Variants in EAF2 observed in about 807,000 individuals in gnomAD.
The protein encoded by EAF2 is ELL-associated factor 2.
Under a neutral mutation model 29.4 loss-of-function variants are expected in EAF2, and 29 were observed. The ratio of observed to expected loss-of-function variants is 0.99; its 90% CI spans 0.73 to 1.35. The LOEUF (loss-of-function observed/expected upper bound fraction) is 1.35. Ranked by LOEUF, EAF2 falls within the 40% of genes most tolerant of loss-of-function variation. The pLI is 0.00. For synonymous variants in EAF2, 103 were observed against 102.5 expected (o/e 1.00, Z -0.03); for missense variants, 292 against 312.0 (o/e 0.94, Z 0.48).
chr3:121,848,130 G>T (rs1159312168), intron 2 of EAF2, among the ~76,000 whole-genome samples: 3 of 152,156 alleles, frequency 2.0e-5, no homozygotes, highest in African/African-American at 7.2e-5. Flanking sequence ...TAGCCAATTT[G>T]TAAATACCTT....
chr3:121,836,884 G>A, intron 1 of EAF2: 1 of 778,080 alleles, frequency 1.3e-6, no homozygotes, highest in Non-Finnish European at 1.6e-6. Context: ...TATGATTTGG[G>A]TATATATTCT....
rs1250817325 is a variant in EAF2, at chr3:121,872,708, T to C, written c.656T>C (p.Met219Thr). 3 of 1,612,792 alleles carry C rather than the reference T, an allele frequency of 1.9e-6. No homozygotes were observed. The highest frequency in any genetic ancestry group is 1.3e-5 in the African/African-American group (1 of 74,844). The part of the protein sequence containing the change: ...TGNCVSGHPT[M>T]TQYRIPDIDA... Reference sequence around the variant, plus strand: ...AATTGTGTCTCAGGACATCCTACCATGACACAGTACAGGATTCCTGATATA... The same window carrying C: ...AATTGTGTCTCAGGACATCCTACCACGACACAGTACAGGATTCCTGATATA... Residue 219 changes from methionine (M) to threonine (T), a missense_variant, in exon 5 of 6, where the codon ATG becomes ACG. Physicochemically the swap from Met to Thr is moderately conservative, Grantham distance 81. Coordinates refer to ENST00000273668, the MANE Select transcript of EAF2 (RefSeq NM_018456.6).
chr3:121,874,942 A>G (rs1709070922), intron 5 of EAF2, among the ~76,000 whole-genome samples: 1 of 151,832 alleles, frequency 6.6e-6, no homozygotes, highest in Non-Finnish European at 1.5e-5. Context: ...CTTTCAGGGA[A>G]AGGTATAATA....
chr3:121,876,582 T>C (rs530820872), intron 5 of EAF2, among the ~76,000 whole-genome samples: 14 of 152,050 alleles, frequency 9.2e-5, no homozygotes, highest in African/African-American at 3.4e-4. Flanking sequence ...AAGCTAAAAC[T>C]CTAGACAATA....
At chr3:121,873,022 A>C (rs543544896) in intron 5 of EAF2, 1 of 737,614 alleles carries the variant, frequency 1.4e-6, no homozygotes, top group South Asian at 1.5e-5. Flanking sequence ...TCAAGTTTAT[A>C]TGATCCTCTG....
At chr3:121,877,376 T>A (rs1386417062) in intron 5 of EAF2, among the ~76,000 whole-genome samples, 4 of 152,026 alleles carry the variant, frequency 2.6e-5, no homozygotes, top group Non-Finnish European at 5.9e-5. Context: ...TAATAGTGAA[T>A]ACATAGAATC....
chr3:121,852,203 C>G (rs1708646703), intron 2 of EAF2, among the ~76,000 whole-genome samples: 1 of 152,122 alleles, frequency 6.6e-6, no homozygotes. Flanking sequence ...GCTCAGAGAA[C>G]AATAATACAT....
At chr3:121,842,154 A>T (rs1708446717) in intron 1 of EAF2, among the ~76,000 whole-genome samples, 1 of 152,228 alleles carries the variant, frequency 6.6e-6, no homozygotes, top group Non-Finnish European at 1.5e-5. Context: ...ACTGCACTCC[A>T]GCATGCAGGA....
At chr3:121,854,659 A>G in intron 2 of EAF2, 28 bp from the exon 3 acceptor site, 1 of 1,485,832 alleles carries the variant, frequency 6.7e-7, no homozygotes. Flanking sequence ...GATAAATTTT[A>G]AGTAATAATA....
At chr3:121,852,225 G>A (rs183789788) in intron 2 of EAF2, among the ~76,000 whole-genome samples, 5 of 152,244 alleles carry the variant, frequency 3.3e-5, no homozygotes, top group African/African-American at 1.2e-4. Flanking sequence ...GTAATTTTTA[G>A]ATGTATTCCA....
chr3:121,859,466 C>CTGTT (rs970285417), intron 4 of EAF2, among the ~76,000 whole-genome samples: 3 of 152,082 alleles, frequency 2.0e-5, no homozygotes, highest in African/African-American at 7.2e-5. Flanking sequence ...ATTTGGCTCT[C>CTGTT]TGTTTGTTTG....
At chr3:121,876,524 G>A (rs1576656602) in intron 5 of EAF2, among the ~76,000 whole-genome samples, 1 of 151,988 alleles carries the variant, frequency 6.6e-6, no homozygotes, top group East Asian at 1.9e-4. Flanking sequence ...AAGATAACAA[G>A]TCTGTTTTAG....
chr3:121,873,564 T>C (rs2107541561), intron 5 of EAF2, among the ~76,000 whole-genome samples: 1 of 152,050 alleles, frequency 6.6e-6, no homozygotes, highest in South Asian at 2.1e-4. Flanking sequence ...TTATGTACAC[T>C]GTAGCCATAT....
rs548677671 is a variant in EAF2 at position 121,859,567 on chromosome 3, G to T, written c.484+2411G>T. On this transcript the variant is annotated intron_variant, in intron 4 of 5. Transcript: ENST00000273668. Reference sequence around the variant, plus strand: ...GTTGCTTATCAGCTTAAGGAGATTTGGGGCTGAGACAATGGGGTTTTCTAA... The same window carrying T: ...GTTGCTTATCAGCTTAAGGAGATTTTGGGCTGAGACAATGGGGTTTTCTAA... Among the ~76,000 whole-genome samples, 11 of 151,972 alleles carry T rather than the reference G, an allele frequency of 7.2e-5. No homozygotes were observed. The East Asian group carries it at 1.2e-3, about 16-fold the overall frequency.
At chr3:121,884,085 C>T (rs183316502) in intron 5 of EAF2, among the ~76,000 whole-genome samples, 463 of 152,208 alleles carry the variant, frequency 3.0e-3, no homozygotes, top group Non-Finnish European at 5.2e-3. Flanking sequence ...TGCCTGTAAT[C>T]TCAGCACTTT....
Position 121,854,670 on chromosome 3 carries a change from A to G in EAF2, c.202-17A>G. ...CTATGATAAATTTTAAGTAATAATA[A>G]TTAACTTTTTAAACAGGGTTCAACT... On this transcript the variant is annotated splice_polypyrimidine_tract_variant and intron_variant, in intron 2 of 5. Transcript: ENST00000273668. 1 of 1,510,548 alleles carries G rather than the reference A, an allele frequency of 6.6e-7. No homozygotes were observed. Among genetic ancestry groups the G allele is most frequent in the Non-Finnish European group, 8.8e-7 (1 of 1,140,128 alleles). 93.6% of individuals were successfully genotyped at this position (1,510,548 alleles called of 1,614,324 possible). A position where few individuals can be genotyped will look rare whatever the true frequency, so the allele number is the denominator to read the frequency against.
chr3:121,839,199 T>C (rs753209867), intron 1 of EAF2, among the ~76,000 whole-genome samples: 16 of 152,174 alleles, frequency 1.1e-4, no homozygotes, highest in Middle Eastern at 3.2e-3. Flanking sequence ...TTCAGGACCT[T>C]TTATATAAAA....
At chr3:121,837,947 A>G (rs1246440951) in intron 1 of EAF2, among the ~76,000 whole-genome samples, 1 of 152,184 alleles carries the variant, frequency 6.6e-6, no homozygotes, top group Admixed American at 6.5e-5. Context: ...AAGGCAATGA[A>G]TTGTGAAATC....
chr3:121,854,595 A>G, intron 2 of EAF2, 92 bp from the exon 3 acceptor site: 1 of 1,097,836 alleles, frequency 9.1e-7, no homozygotes, highest in South Asian at 2.0e-5. Flanking sequence ...AGTATAACAT[A>G]GAAGGAGAAA....
Sources: allele counts gnomAD v4.1 joint callset (sites outside exome capture counted in the v4.1 genomes callset), GRCh38; gene constraint gnomAD v4.1.1; transcripts MANE v1.5; gene names NCBI Gene and HGNC (gene_info 2026-07-23, HGNC 2026-07-21).